The following PDLIM5 variants were observed in gnomAD, a reference collection of about 807,000 sequenced individuals.
PDLIM5 encodes PDZ and LIM domain 5, also known as PDZ and LIM domain protein 5.
In PDLIM5, 34 loss-of-function variants were observed where a neutral mutation model predicts 64.2. That is an observed-to-expected ratio of 0.53 (90% confidence interval 0.40 to 0.71). PDLIM5 has a LOEUF of 0.71. Ranked by LOEUF, PDLIM5 falls within the 30% of genes least tolerant of loss-of-function variation. The pLI, the probability that PDLIM5 is intolerant of heterozygous loss-of-function variation, is 0.00. For synonymous variants in PDLIM5, 253 were observed against 269.1 expected (o/e 0.94, Z 0.59); for missense variants, 683 against 733.6 (o/e 0.93, Z 0.80).
In PDLIM5 at chr4:94,484,632, T is replaced by C. The variant is rs1726151752; in HGVS notation, c.96+29248T>C. Among the ~76,000 whole-genome samples, 2 of 152,188 alleles carry C rather than the reference T, an allele frequency of 1.3e-5. 1 individual carries two copies. The highest frequency in any genetic ancestry group is 4.1e-4 in the South Asian group (2 of 4,832). On this transcript the variant is annotated intron_variant, in intron 2 of 12. Coordinates refer to ENST00000317968, the MANE Select transcript of PDLIM5 (RefSeq NM_006457.5). Reference sequence around the variant, plus strand: ...AGGGAAGCCCAGAGAAATCATGTAGTTTGTCCATAGGTACACAGCCAGTCA... The same window carrying C: ...AGGGAAGCCCAGAGAAATCATGTAGCTTGTCCATAGGTACACAGCCAGTCA...
chr4:94,600,191 G>A lies in PDLIM5; in HGVS notation c.920+13747G>A, dbSNP rs78977050. Among the ~76,000 whole-genome samples the A allele has an allele frequency of 6.6e-4, 100 of 152,352 alleles. No individual in the cohort carries two copies. The East Asian group carries it at 0.019, about 29-fold the overall frequency. ...GAAATTAAAGTAGACAATAGGATGT[G>A]TGAAGGTGCTTGGCACAAAGTGGGA... On this transcript the variant is annotated intron_variant, in intron 7 of 12. Coordinates refer to ENST00000317968, the MANE Select transcript of PDLIM5 (RefSeq NM_006457.5).
At chr4:94,612,181 G>C (rs1738422122) in intron 7 of PDLIM5, among the ~76,000 whole-genome samples, 1 of 152,098 alleles carries the variant, frequency 6.6e-6, no homozygotes, top group African/African-American at 2.4e-5. Flanking sequence ...TTGCGCCATT[G>C]CACTCCAGCC....
At chr4:94,587,464 A>T (rs1578427056) in intron 7 of PDLIM5, 3 of 830,588 alleles carry the variant, frequency 3.6e-6, no homozygotes, top group Non-Finnish European at 4.3e-6. Flanking sequence ...TTTGGAAAAT[A>T]CTTTCTTTAT....
chr4:94,588,293 G>A (rs752248207), intron 7 of PDLIM5: 10 of 457,582 alleles, frequency 2.2e-5, no homozygotes, highest in Admixed American at 6.4e-5. Flanking sequence ...GCCAGGTGCG[G>A]TGGCTCACGC....
intron 2 of PDLIM5, among the ~76,000 whole-genome samples, chr4:94,480,776 G>C (rs1725779221): frequency 1.3e-5 from 2 of 152,184 alleles, no homozygotes; most frequent in Admixed American, 6.5e-5. Context: ...CTGTCATACA[G>C]AGAGGGCAGA....
At chr4:94,611,893 T>C (rs1445886711) in intron 7 of PDLIM5, among the ~76,000 whole-genome samples, 3 of 152,176 alleles carry the variant, frequency 2.0e-5, no homozygotes, top group Non-Finnish European at 4.4e-5. Context: ...TAGATGTTTG[T>C]ATTCTAACCA....
chr4:94,583,263 A>G (rs1416313969), intron 5 of PDLIM5, among the ~76,000 whole-genome samples: 1 of 152,144 alleles, frequency 6.6e-6, no homozygotes, highest in East Asian at 1.9e-4. Flanking sequence ...AACACAAAGA[A>G]TCTAAGGGGT....
rs538700109 is a variant in PDLIM5 at position 94,620,883 on chromosome 4, A to G, written c.1108+2692A>G. Among the ~76,000 whole-genome samples, 9 of 151,608 alleles carry G rather than the reference A, an allele frequency of 5.9e-5. No individual in the cohort carries two copies. The South Asian group carries it at 1.9e-3, about 32-fold the overall frequency. ...CCATCCTGGAGATCAAGATCACCTG[A>G]TGGGTAAAACCCTGTCTCTACTAAA... On this transcript the variant is annotated intron_variant, in intron 8 of 12. Transcript: ENST00000317968.
At chr4:94,470,099 C>G (rs1227955760) in intron 2 of PDLIM5, among the ~76,000 whole-genome samples, 1 of 151,288 alleles carries the variant, frequency 6.6e-6, no homozygotes, top group Non-Finnish European at 1.5e-5. Flanking sequence ...CCCCAGTAGC[C>G]GGGAGTACAG....
intron 3 of PDLIM5, among the ~76,000 whole-genome samples, chr4:94,539,004 A>T (rs892025779): frequency 1.3e-5 from 2 of 152,194 alleles, no homozygotes; most frequent in African/African-American, 4.8e-5. Flanking sequence ...AAGGACAGTG[A>T]TAAAGTTTGC....
chr4:94,659,538 G>A (rs180939910), intron 11 of PDLIM5, among the ~76,000 whole-genome samples: 6,138 of 137,964 alleles, frequency 0.044, 452 homozygotes, highest in African/African-American at 0.15. Flanking sequence ...GTGTGTGTGT[G>A]TATTGTTTAG....
intron 2 of PDLIM5, chr4:94,456,204 A>T (rs1723335943): frequency 4.4e-6 from 2 of 454,528 alleles, no homozygotes; most frequent in Non-Finnish European, 7.6e-6. Flanking sequence ...TATTATACAC[A>T]CAGTTTTTTT....
At chr4:94,553,820 C>A (rs1008524689) in intron 3 of PDLIM5, among the ~76,000 whole-genome samples, 1 of 152,160 alleles carries the variant, frequency 6.6e-6, no homozygotes. Flanking sequence ...TCAAGAAATT[C>A]AGCTTTCCAC....
At chr4:94,560,752 C>T (rs191198771) in intron 3 of PDLIM5, among the ~76,000 whole-genome samples, 10 of 152,186 alleles carry the variant, frequency 6.6e-5, no homozygotes, top group South Asian at 2.1e-4. Flanking sequence ...TGTTTTGAGA[C>T]GAAGTCTTGC....
chr4:94,655,197 T>G (rs909947000), intron 10 of PDLIM5, among the ~76,000 whole-genome samples: 7 of 152,098 alleles, frequency 4.6e-5, no homozygotes, highest in African/African-American at 1.7e-4. Flanking sequence ...AAAAATAATT[T>G]TTTTTCCTTT....
In PDLIM5 at chr4:94,667,783, CAACAA is replaced by C. The variant is rs1478086009; in HGVS notation, c.*3719_*3723del. On this transcript the variant is annotated 3_prime_UTR_variant, in exon 13 of 13. Transcript: ENST00000317968. ...ATAGCATTATGTTTAAAATAATCTACAACAAAAATGTACCATTTTCAAGCAGTACT... is the reference window on the plus strand; with the variant it reads ...ATAGCATTATGTTTAAAATAATCTACAAATGTACCATTTTCAAGCAGTACT... 3 of 152,038 alleles carry C rather than the reference CAACAA, an allele frequency of 2.0e-5. No individual in the cohort carries two copies. The highest frequency in any genetic ancestry group is 7.2e-5 in the African/African-American group (3 of 41,396). 9.4% of individuals were successfully genotyped at this position (152,038 alleles called of 1,614,324 possible).
At chr4:94,546,052 C>G (rs1434438974) in intron 3 of PDLIM5, among the ~76,000 whole-genome samples, 1 of 152,138 alleles carries the variant, frequency 6.6e-6, no homozygotes, top group Non-Finnish European at 1.5e-5. Flanking sequence ...GGTTGTAACT[C>G]AGTTCAGTAG....
chr4:94,587,376 G>A (rs1353983414), intron 7 of PDLIM5: 52 of 1,118,770 alleles, frequency 4.6e-5, no homozygotes, highest in Non-Finnish European at 5.5e-5. Flanking sequence ...CTTGGAAAAC[G>A]AATTATTTTC....
chr4:94,474,065 T>C (rs2126096361), intron 2 of PDLIM5, among the ~76,000 whole-genome samples: 1 of 152,228 alleles, frequency 6.6e-6, no homozygotes, highest in East Asian at 1.9e-4. Context: ...TTTTGGGTAA[T>C]CACCAAAGTA....
Sources: allele counts gnomAD v4.1 joint callset (sites outside exome capture counted in the v4.1 genomes callset), GRCh38; gene constraint gnomAD v4.1.1; transcripts MANE v1.5; gene names NCBI Gene and HGNC (gene_info 2026-07-23, HGNC 2026-07-21).